The following C1orf21 variants were observed in gnomAD, a reference collection of about 807,000 sequenced individuals.
C1orf21 encodes uncharacterized protein C1orf21.
In C1orf21, 3 loss-of-function variants were observed where a neutral mutation model predicts 18.7. The ratio of observed to expected loss-of-function variants is 0.16; its 90% CI spans 0.07 to 0.42. C1orf21 has a LOEUF of 0.42. C1orf21 is among the 10% of genes least tolerant of loss of function. The pLI is 0.99. For synonymous variants in C1orf21, 41 were observed against 46.4 expected (o/e 0.88, Z 0.47); for missense variants, 104 against 143.6 (o/e 0.72, Z 1.41).
At chr1:184,400,303 C>T (rs959188276) in intron 1 of C1orf21, among the ~76,000 whole-genome samples, 1 of 151,998 alleles carries the variant, frequency 6.6e-6, no homozygotes, top group Non-Finnish European at 1.5e-5. Flanking sequence ...GTTCTCATTG[C>T]CTTTGAGCTG....
chr1:184,392,203 C>A (rs112253540), intron 1 of C1orf21, among the ~76,000 whole-genome samples: 2,703 of 152,256 alleles, frequency 0.018, 83 homozygotes, highest in African/African-American at 0.061. Flanking sequence ...TAACCTGTCT[C>A]ATTTGACGTT....
At chr1:184,521,829 T>G (rs1658310290) in intron 3 of C1orf21, among the ~76,000 whole-genome samples, 1 of 152,152 alleles carries the variant, frequency 6.6e-6, no homozygotes, top group Non-Finnish European at 1.5e-5. Flanking sequence ...TCTAACAGTA[T>G]TACAAATATG....
intron 3 of C1orf21, among the ~76,000 whole-genome samples, chr1:184,522,846 C>T (rs753964536): frequency 6.6e-6 from 1 of 152,140 alleles, no homozygotes; most frequent in Non-Finnish European, 1.5e-5. Flanking sequence ...TACCACTATG[C>T]CCAGCTAATT....
intron 1 of C1orf21, among the ~76,000 whole-genome samples, chr1:184,423,360 G>A (rs1656577116): frequency 6.6e-6 from 1 of 152,200 alleles, no homozygotes; most frequent in South Asian, 2.1e-4. Flanking sequence ...AAGTCTTCAT[G>A]ATGGAGGATA....
At chr1:184,543,931 A>C (rs1333105962) in intron 3 of C1orf21, among the ~76,000 whole-genome samples, 1 of 152,180 alleles carries the variant, frequency 6.6e-6, no homozygotes, top group African/African-American at 2.4e-5. Flanking sequence ...ATAAAGACAT[A>C]GTTGAGTTCA....
intron 2 of C1orf21, among the ~76,000 whole-genome samples, chr1:184,500,431 G>T (rs933075897): frequency 6.6e-6 from 1 of 152,108 alleles, no homozygotes; most frequent in African/African-American, 2.4e-5. Context: ...TTATCATTTT[G>T]ATCCTTCTTA....
chr1:184,584,565 T>A (rs950896618), intron 3 of C1orf21, among the ~76,000 whole-genome samples: 1 of 152,214 alleles, frequency 6.6e-6, no homozygotes, highest in African/African-American at 2.4e-5. Flanking sequence ...GTTCTACTCC[T>A]AGGAATCTAC....
At chr1:184,562,885 T>C (rs188563989) in intron 3 of C1orf21, among the ~76,000 whole-genome samples, 108 of 152,330 alleles carry the variant, frequency 7.1e-4, no homozygotes, top group African/African-American at 2.4e-3. Flanking sequence ...TTATATAGAC[T>C]TTGGGGTAGT....
intron 1 of C1orf21, among the ~76,000 whole-genome samples, chr1:184,400,494 A>G (rs1191132053): frequency 3.3e-5 from 5 of 152,192 alleles, no homozygotes; most frequent in African/African-American, 1.2e-4. Flanking sequence ...AAGGTTGCCT[A>G]CTGTAGTTCT....
At chr1:184,464,102 T>C (rs1657350387) in intron 1 of C1orf21, among the ~76,000 whole-genome samples, 1 of 152,222 alleles carries the variant, frequency 6.6e-6, no homozygotes, top group Non-Finnish European at 1.5e-5. Flanking sequence ...ATTGGAAATA[T>C]GGATGGAAAG....
In C1orf21 at chr1:184,626,219, G is replaced by C. The variant is rs1378394603; in HGVS notation, c.*6663G>C. 1 of 152,242 alleles carries C rather than the reference G, an allele frequency of 6.6e-6. No individual in the cohort carries two copies. The highest frequency in any genetic ancestry group is 1.9e-4 in the East Asian group (1 of 5,188). 9.4% of individuals were successfully genotyped at this position (152,242 alleles called of 1,614,324 possible). On this transcript the variant is annotated 3_prime_UTR_variant, in exon 6 of 6. Coordinates refer to ENST00000235307, the MANE Select transcript of C1orf21 (RefSeq NM_030806.4). ...TAGCCATAACGAGGGAGGCAGCATG[G>C]AAGTACCCTACAGGGGAAAGTCCTG... is the stretch of plus-strand genomic sequence containing the variant.
intron 3 of C1orf21, among the ~76,000 whole-genome samples, chr1:184,581,953 T>A (rs558936047): frequency 6.6e-6 from 1 of 152,374 alleles, no homozygotes; most frequent in Admixed American, 6.5e-5. Flanking sequence ...TGTAACAAAA[T>A]ACTAATAACT....
intron 3 of C1orf21, among the ~76,000 whole-genome samples, chr1:184,584,031 T>C (rs1659317514): frequency 6.6e-6 from 1 of 152,094 alleles, no homozygotes; most frequent in African/African-American, 2.4e-5. Flanking sequence ...GGGTCTGCTT[T>C]ATCCGAGCTG....
chr1:184,556,801 G>A (rs1658885227), intron 3 of C1orf21, among the ~76,000 whole-genome samples: 1 of 152,094 alleles, frequency 6.6e-6, no homozygotes, highest in Admixed American at 6.6e-5. Flanking sequence ...TTGTTAAGGA[G>A]GGTGACTATA....
intron 1 of C1orf21, among the ~76,000 whole-genome samples, chr1:184,426,249 A>G (rs1656635239): frequency 6.6e-6 from 1 of 152,202 alleles, no homozygotes; most frequent in African/African-American, 2.4e-5. Context: ...GAAGTCTCCT[A>G]ACTGGTGGTC....
chr1:184,518,000 G>A (rs367818701), intron 3 of C1orf21, among the ~76,000 whole-genome samples: 4 of 152,070 alleles, frequency 2.6e-5, no homozygotes, highest in Admixed American at 2.0e-4. Context: ...AACCTTACTC[G>A]CAGGAGTCAT....
At chr1:184,432,757 G>A (rs1656785859) in intron 1 of C1orf21, among the ~76,000 whole-genome samples, 1 of 152,128 alleles carries the variant, frequency 6.6e-6, no homozygotes, top group Non-Finnish European at 1.5e-5. Flanking sequence ...TAGGCTTTTT[G>A]TGAGTTTAGA....
chr1:184,423,940 G>T (rs1286909267), intron 1 of C1orf21, among the ~76,000 whole-genome samples: 1 of 151,890 alleles, frequency 6.6e-6, no homozygotes, highest in Non-Finnish European at 1.5e-5. Context: ...CCTGTTACTG[G>T]GGTAGGTGCT....
chr1:184,541,757 T>C (rs1571406423), intron 3 of C1orf21, among the ~76,000 whole-genome samples: 1 of 152,188 alleles, frequency 6.6e-6, no homozygotes, highest in East Asian at 1.9e-4. Flanking sequence ...ATTTGCTTGA[T>C]TGGCTTTTTG....
Sources: allele counts gnomAD v4.1 joint callset (sites outside exome capture counted in the v4.1 genomes callset), GRCh38; gene constraint gnomAD v4.1.1; transcripts MANE v1.5; gene names NCBI Gene and HGNC (gene_info 2026-07-23, HGNC 2026-07-21).